Variants in ADARB2 observed in about 807,000 individuals in gnomAD.
The protein encoded by ADARB2 is inactive double-stranded RNA-specific editase B2.
ADARB2 carries 25 observed loss-of-function variants against 62.2 expected under a neutral mutation model. The observed-to-expected ratio is 0.40, with a 90% CI of 0.29 to 0.56. ADARB2 has a LOEUF of 0.56. ADARB2 is among the 20% of genes least tolerant of loss of function. The probability of loss-of-function intolerance (pLI) is 0.43; values close to 1 mark genes in which losing one functional copy is unlikely to be tolerated. For synonymous variants in ADARB2, 572 were observed against 500.8 expected, an observed-to-expected ratio of 1.14 and a Z score of -1.90; for missense variants, 1,071 against 1,077.4, an observed-to-expected ratio of 0.99 and a Z score of 0.08.
In ADARB2 at chr10:1,369,658, CAT is replaced by C. The variant is rs1832349913; in HGVS notation, c.188-5743_188-5742del. 5.3e-5 allele frequency among the ~76,000 whole-genome samples: 8 copies of C among 152,056 alleles called. No homozygotes were observed. In the South Asian group the frequency reaches 1.7e-3, roughly 32 times the overall value. ...CGCCTGAAATATACACAATAAAATACATTTTAAAAAGTCAGCCTGACTTAGGC... is the reference window on the plus strand; with the variant it reads ...CGCCTGAAATATACACAATAAAATACTTTAAAAAGTCAGCCTGACTTAGGC... On this transcript the variant is annotated intron_variant, in intron 2 of 9. Coordinates refer to ENST00000381312, the MANE Select transcript of ADARB2 (RefSeq NM_018702.4).
intron 1 of ADARB2, among the ~76,000 whole-genome samples, chr10:1,581,678 C>G (rs1833100797): frequency 2.0e-5 from 3 of 152,248 alleles, no homozygotes; most frequent in Non-Finnish European, 4.4e-5. Context: ...GAACATACAT[C>G]TGGATAGAGC....
In ADARB2 at chr10:1,290,785, T is replaced by TA. The variant is rs1286730115; in HGVS notation, c.1078-19717dup. ...TCTGTTTACACACATTAACGGTAGT[T>TA]ACTGCTTTAGCAATCAACTTCAAAT... On this transcript the variant is annotated intron_variant, in intron 3 of 9. Coordinates refer to ENST00000381312, the MANE Select transcript of ADARB2 (RefSeq NM_018702.4). 22 of 152,378 alleles carry TA rather than the reference T, an allele frequency of 1.4e-4. 1 individual carries two copies. The highest frequency in any genetic ancestry group is 1.1e-3 in the Admixed American group (17 of 15,310). 9.4% of individuals were successfully genotyped at this position (152,378 alleles called of 1,614,324 possible).
chr10:1,257,185 C>A (rs1831087452), intron 4 of ADARB2, among the ~76,000 whole-genome samples: 1 of 152,162 alleles, frequency 6.6e-6, no homozygotes, highest in African/African-American at 2.4e-5. Context: ...GTGTGAGTTC[C>A]CCTGGGCTCA....
chr10:1,280,264 CATT>C (rs773425704), intron 3 of ADARB2, among the ~76,000 whole-genome samples: 9 of 152,214 alleles, frequency 5.9e-5, no homozygotes, highest in Non-Finnish European at 1.3e-4. Flanking sequence ...GGGACACAAA[CATT>C]AGTTCCATCA....
In ADARB2 at chr10:1,192,989, G is replaced by C. The variant is rs190336934; in HGVS notation, c.1864+6977C>G. Among the ~76,000 whole-genome samples the C allele has an allele frequency of 3.9e-5, 6 of 152,384 alleles. No individual in the cohort carries two copies. The East Asian group carries it at 1.2e-3, about 29-fold the overall frequency. On this transcript the variant is annotated intron_variant, in intron 8 of 9. Coordinates refer to ENST00000381312, the MANE Select transcript of ADARB2 (RefSeq NM_018702.4). ...ATTCCTGCAAGCCAGAAGGGAATAT[G>C]AATGTTGAAAACACAGAGGCCATGG... is the stretch of plus-strand genomic sequence containing the variant.
chr10:1,302,009 C>G (rs1313402536), intron 3 of ADARB2, among the ~76,000 whole-genome samples: 1 of 152,076 alleles, frequency 6.6e-6, no homozygotes, highest in Non-Finnish European at 1.5e-5. Context: ...AAATGTATCT[C>G]CCATCTAGGG....
intron 1 of ADARB2, among the ~76,000 whole-genome samples, chr10:1,676,267 G>A (rs1834465492): frequency 6.6e-6 from 1 of 151,820 alleles, no homozygotes; most frequent in Admixed American, 6.6e-5. Context: ...AAAACTTTCT[G>A]TGAGTGCAGC....
chr10:1,241,701 C>A (rs1830926186), intron 5 of ADARB2, among the ~76,000 whole-genome samples: 1 of 152,214 alleles, frequency 6.6e-6, no homozygotes, highest in Non-Finnish European at 1.5e-5. Flanking sequence ...GCCTCAGCGG[C>A]CTCTTCACAT....
chr10:1,554,030 C>G (rs369063577), intron 1 of ADARB2, among the ~76,000 whole-genome samples: 1 of 152,196 alleles, frequency 6.6e-6, no homozygotes, highest in Non-Finnish European at 1.5e-5. Flanking sequence ...AGCTCTGCTC[C>G]GTCCTCTCAG....
At position 1,363,334 on chromosome 10, in the gene ADARB2, C is replaced by A; in HGVS notation, c.771G>T (p.Leu257=). The change falls in exon 3 of 10, where the codon CTG becomes CTT. Residue 257 remains leucine, a synonymous_variant. Transcript: ENST00000381312. The stretch of plus-strand genomic sequence containing the variant: ...GGCCCACCAGGTCCAGCGCGCGGCA[C>A]AGCAGCCGCCGTCGCCCGTAGGCCG... ...LSAAYGRRRL[L]CRALDLVGPT... 1 of 1,246,856 alleles carries A rather than the reference C, an allele frequency of 8.0e-7. No homozygotes were observed. The allele number at this position is 1,246,856 out of a possible 1,614,324, so 77.2% of individuals were successfully genotyped here.
intron 4 of ADARB2, among the ~76,000 whole-genome samples, chr10:1,244,139 C>T (rs1278449657): frequency 1.3e-5 from 2 of 152,220 alleles, no homozygotes; most frequent in Non-Finnish European, 2.9e-5. Flanking sequence ...TCTAAGGCTA[C>T]AGGGAGCTGG....
At chr10:1,304,451 CATTAG>C (rs1349792295) in intron 3 of ADARB2, among the ~76,000 whole-genome samples, 7 of 152,106 alleles carry the variant, frequency 4.6e-5, no homozygotes, top group African/African-American at 1.7e-4. Flanking sequence ...CCACTGTCAA[CATTAG>C]ACAGATCAAG....
chr10:1,410,822 T>G (rs1275500255), intron 1 of ADARB2, among the ~76,000 whole-genome samples: 1 of 152,236 alleles, frequency 6.6e-6, no homozygotes, highest in African/African-American at 2.4e-5. Context: ...TCCACTGAGC[T>G]TCTGCCTTGA....
intron 1 of ADARB2, among the ~76,000 whole-genome samples, chr10:1,533,494 G>A (rs1185096611): frequency 1.3e-5 from 2 of 151,930 alleles, no homozygotes; most frequent in Non-Finnish European, 2.9e-5. Context: ...TGCCACGTGC[G>A]AGTCCCCCTA....
At position 1,727,762 on chromosome 10, in the gene ADARB2, T is replaced by C. The variant is rs75611780; in HGVS notation, c.100+9289A>G. On this transcript the variant is annotated intron_variant, in intron 1 of 9. Transcript: ENST00000381312. ...TTCGGATTTCATGTGTGTGCCTCTGTATCTCCATAAACAATAGAAGCTCAG... is the reference window on the plus strand; with the variant it reads ...TTCGGATTTCATGTGTGTGCCTCTGCATCTCCATAAACAATAGAAGCTCAG... 4.3e-3 allele frequency among the ~76,000 whole-genome samples: 661 copies of C among 152,336 alleles called. 12 individuals carry two copies. Among genetic ancestry groups the C allele is most frequent in the African/African-American group, 0.015 (634 of 41,570 alleles).
chr10:1,605,355 T>G (rs1440105681), intron 1 of ADARB2, among the ~76,000 whole-genome samples: 1 of 152,216 alleles, frequency 6.6e-6, no homozygotes, highest in Non-Finnish European at 1.5e-5. Context: ...AATGTCACCT[T>G]CCCGTCTCTC....
intron 1 of ADARB2, among the ~76,000 whole-genome samples, chr10:1,736,641 T>C (rs1373752702): frequency 1.3e-5 from 2 of 151,868 alleles, no homozygotes; most frequent in Non-Finnish European, 2.9e-5. Flanking sequence ...TGGATGGGAG[T>C]AGCTGGCGCG....
intron 1 of ADARB2, among the ~76,000 whole-genome samples, chr10:1,705,635 C>CG (rs1834879908): frequency 6.6e-6 from 1 of 152,142 alleles, no homozygotes; most frequent in African/African-American, 2.4e-5. Context: ...ATGCAGGGTG[C>CG]GGCAATTAAG....
At chr10:1,254,788 G>A (rs758082567) in intron 4 of ADARB2, among the ~76,000 whole-genome samples, 3 of 152,234 alleles carry the variant, frequency 2.0e-5, no homozygotes, top group Non-Finnish European at 4.4e-5. Flanking sequence ...AGTTTCTCTT[G>A]AGCGTTGCAC....
Sources: gnomAD v4.1 joint callset for allele counts (sites outside exome capture counted in the v4.1 genomes callset) on GRCh38, gnomAD v4.1.1 for gene constraint, MANE v1.5 for transcripts, NCBI Gene and HGNC (gene_info 2026-07-23, HGNC 2026-07-21) for gene names.